Variants in CCNB3 observed in about 807,000 individuals in gnomAD.
The protein encoded by CCNB3 is cyclin B3, also known as G2/mitotic-specific cyclin-B3.
A neutral mutation model predicts 68.0 loss-of-function variants in CCNB3; 12 were observed. That is an observed-to-expected ratio of 0.18 (90% CI 0.11 to 0.29). The LOEUF (loss-of-function observed/expected upper bound fraction) is 0.29, where lower values mean the gene tolerates loss of function less well. CCNB3 is among the 10% of genes least tolerant of loss of function. CCNB3 has a pLI of 1.00. For synonymous variants in CCNB3, 354 were observed against 388.9 expected (o/e 0.91, Z 1.06); for missense variants, 904 against 993.1 (o/e 0.91, Z 1.21).
At chrX:50,279,884 A>G (rs1440363304) in intron 1 of CCNB3, among the ~76,000 whole-genome samples, 2 of 87,291 alleles carry the variant, frequency 2.3e-5, no homozygotes, top group Non-Finnish European at 4.2e-5. Context: ...TATATATAGT[A>G]TATATAAATA....
chrX:50,332,019 T>TGG (rs2147088654), intron 8 of CCNB3, among the ~76,000 whole-genome samples: 1 of 111,896 alleles, frequency 8.9e-6, no homozygotes, highest in East Asian at 2.8e-4. Flanking sequence ...CACATTCATT[T>TGG]ACACACAGTC....
rs782775027 is a variant in CCNB3, at chrX:50,294,980, C to T, written c.322C>T (p.Arg108Trp). 2.6e-5 allele frequency: 31 copies of T among 1,201,596 alleles called. No individual in the cohort carries two copies. The highest frequency in any genetic ancestry group is 5.4e-5 in the South Asian group (3 of 55,247). ...HALGLAKKNK[R>W]NLKWHKLEVT... The stretch of plus-strand genomic sequence containing the variant: ...TCTTGGACTGGCCAAAAAGAATAAG[C>T]GGAATCTAAAATGGTGAGTGAAAGG... Residue 108 changes from arginine (R) to tryptophan (W), a missense_variant, in exon 5 of 13, where the codon CGG (arginine) becomes TGG (tryptophan). By Grantham distance (101) the Arg-to-Trp change is moderately radical. Coordinates refer to ENST00000376042, the MANE Select transcript of CCNB3 (RefSeq NM_033031.3).
At chrX:50,226,389 G>T (rs1935800499) in intron 1 of CCNB3, among the ~76,000 whole-genome samples, 1 of 37,744 alleles carries the variant, frequency 2.6e-5, no homozygotes, top group South Asian at 1.6e-3. Flanking sequence ...TATATATATA[G>T]AATATATATA....
At chrX:50,322,226 A>G (rs1922056565) in intron 8 of CCNB3, among the ~76,000 whole-genome samples, 1 of 110,169 alleles carries the variant, frequency 9.1e-6, no homozygotes, top group African/African-American at 3.3e-5. Context: ...AAACAGAGAT[A>G]TAGACCAATG....
intron 1 of CCNB3, among the ~76,000 whole-genome samples, chrX:50,227,729 T>A (rs1248494205): frequency 2.2e-4 from 1 of 4,467 alleles, no homozygotes; most frequent in African/African-American, 9.0e-4. Flanking sequence ...TATAGAGAGA[T>A]AATATATATA....
intron 1 of CCNB3, among the ~76,000 whole-genome samples, chrX:50,216,199 C>T (rs1234677597): frequency 4.6e-5 from 5 of 108,916 alleles, no homozygotes; most frequent in Non-Finnish European, 5.7e-5. Flanking sequence ...GTGATCCATC[C>T]GCCTCAGCCT....
rs893059963 is a variant in CCNB3 at position 50,309,576 on chromosome X, G to A, written c.1407G>A (p.Glu469=). ...CAACTGAGGAGTCACCTTTTGATGA[G>A]GCTTTGGCTTTTACAAAGAAGTGTA... ...KSPTEESPFD[E]ALAFTKKCTI... Residue 469 remains glutamate, a synonymous_variant, in exon 6 of 13, where the codon GAG becomes GAA. Transcript: ENST00000376042. 27 of 1,210,971 alleles carry A rather than the reference G, an allele frequency of 2.2e-5. No homozygotes were observed. Among genetic ancestry groups the A allele is most frequent in the East Asian group, 3.0e-5 (1 of 33,823 alleles).
chrX:50,289,150 T>G (rs1164840008), intron 4 of CCNB3, among the ~76,000 whole-genome samples: 1 of 112,016 alleles, frequency 8.9e-6, no homozygotes, highest in African/African-American at 3.2e-5. Flanking sequence ...TATGGAATTT[T>G]GCATTTAGAT....
intron 8 of CCNB3, among the ~76,000 whole-genome samples, chrX:50,337,813 G>A (rs1557219048): frequency 9.0e-6 from 1 of 111,574 alleles, no homozygotes; most frequent in Admixed American, 9.5e-5. Flanking sequence ...TACCAAACCA[G>A]AATCAAAACC....
rs1557213905 is a variant in CCNB3 at position 50,308,699 on chromosome X, C to T, written c.530C>T (p.Ser177Phe). The change falls in exon 6 of 13, where the codon TCT becomes TTT. Residue 177 changes from serine (S) to phenylalanine (F), a missense_variant. This residue lies in a region of CCNB3 where 619 missense variants were observed against 609.8 expected (regional missense o/e 1.02). Coordinates refer to ENST00000376042, the MANE Select transcript of CCNB3 (RefSeq NM_033031.3). ...EDETLINKSL[S>F]LKKCSNHEEV... The stretch of plus-strand genomic sequence containing the variant: ...GAAACCCTTATCAATAAGTCATTAT[C>T]TTTAAAAAAGTGCTCAAATCATGAG... 8.3e-7 allele frequency: 1 copy of T among 1,211,050 alleles called. No individual in the cohort carries two copies. Among genetic ancestry groups the T allele is most frequent in the South Asian group, 1.8e-5 (1 of 56,928 alleles).
intron 1 of CCNB3, among the ~76,000 whole-genome samples, chrX:50,279,057 T>C (rs1425803783): frequency 1.7e-5 from 1 of 58,740 alleles, no homozygotes; most frequent in African/African-American, 7.4e-5. Context: ...TGAATATATA[T>C]AGAATATATT....
intron 1 of CCNB3, among the ~76,000 whole-genome samples, chrX:50,220,811 T>C (rs1188953862): frequency 2.7e-5 from 3 of 111,842 alleles, no homozygotes; most frequent in African/African-American, 9.7e-5. Flanking sequence ...GAGGAGTACC[T>C]CTTTTTCTAT....
chrX:50,210,978 G>T (rs1935473061), intron 1 of CCNB3, among the ~76,000 whole-genome samples: 1 of 111,460 alleles, frequency 9.0e-6, no homozygotes, highest in African/African-American at 3.3e-5. Context: ...AAAAGTACTT[G>T]AGGCCTGGTG....
intron 8 of CCNB3, among the ~76,000 whole-genome samples, chrX:50,316,371 T>A (rs1160755372): frequency 8.9e-6 from 1 of 112,270 alleles, no homozygotes; most frequent in Admixed American, 9.4e-5. Flanking sequence ...GTTTAACCAT[T>A]CACCTATTGA....
At chrX:50,306,280 T>C (rs1233738659) in intron 5 of CCNB3, among the ~76,000 whole-genome samples, 1 of 111,420 alleles carries the variant, frequency 9.0e-6, no homozygotes, top group African/African-American at 3.3e-5. Flanking sequence ...TTCAGATTAT[T>C]CATTGCAAGT....
chrX:50,228,158 C>A (rs1182175865), intron 1 of CCNB3, among the ~76,000 whole-genome samples: 1 of 88,980 alleles, frequency 1.1e-5, no homozygotes, highest in African/African-American at 4.1e-5. Flanking sequence ...TAAATATCTA[C>A]ATAGAATGCA....
intron 4 of CCNB3, among the ~76,000 whole-genome samples, chrX:50,290,793 T>C (rs1936335135): frequency 9.0e-6 from 1 of 111,620 alleles, no homozygotes; most frequent in East Asian, 2.8e-4. Flanking sequence ...TGCTTCTAGC[T>C]CTCTGGCTGC....
chrX:50,226,570 T>A (rs1407224761), intron 1 of CCNB3, among the ~76,000 whole-genome samples: 2 of 78,996 alleles, frequency 2.5e-5, no homozygotes, highest in African/African-American at 1.0e-4. Context: ...TATATAAATA[T>A]ATATAGAATA....
chrX:50,322,594 C>A (rs1192506702), intron 8 of CCNB3, among the ~76,000 whole-genome samples: 4 of 111,681 alleles, frequency 3.6e-5, no homozygotes, highest in African/African-American at 9.8e-5. Context: ...AACTAAAGAG[C>A]TTCTGCACAG....
Sources: gnomAD v4.1 joint callset for allele counts (sites outside exome capture counted in the v4.1 genomes callset) on GRCh38, gnomAD v4.1.1 for gene constraint, gnomAD v4.1.1 regional missense constraint, MANE v1.5 for transcripts, NCBI Gene and HGNC (gene_info 2026-07-23, HGNC 2026-07-21) for gene names.